The following CA10 variants were observed in gnomAD, a reference collection of about 807,000 sequenced individuals.
The protein encoded by CA10 is carbonic anhydrase 10 (inactive).
CA10 carries 14 observed loss-of-function variants against 44.2 expected under a neutral mutation model. The ratio of observed to expected loss-of-function variants is 0.32; its 90% confidence interval spans 0.21 to 0.50. The LOEUF is 0.50. Ranked by LOEUF, CA10 falls within the 20% of genes least tolerant of loss-of-function variation. The pLI is 0.99. For synonymous variants in CA10, 159 were observed against 141.6 expected, an observed-to-expected ratio of 1.12 and a Z score of -0.87; for missense variants, 350 against 409.7, an observed-to-expected ratio of 0.85 and a Z score of 1.26.
intron 2 of CA10, among the ~76,000 whole-genome samples, chr17:51,938,731 G>A (rs1279074127): frequency 6.6e-6 from 1 of 152,086 alleles, no homozygotes; most frequent in African/African-American, 2.4e-5. Flanking sequence ...AAAGAGAAAG[G>A]AGGAAGAGGG....
chr17:51,962,512 T>C (rs1983929576), intron 2 of CA10, among the ~76,000 whole-genome samples: 1 of 152,186 alleles, frequency 6.6e-6, no homozygotes, highest in Non-Finnish European at 1.5e-5. Flanking sequence ...GAGCTTCTAC[T>C]GGTAAACAAG....
intron 4 of CA10, among the ~76,000 whole-genome samples, chr17:51,659,555 G>C (rs1156566680): frequency 1.3e-5 from 2 of 152,204 alleles, no homozygotes; most frequent in Non-Finnish European, 2.9e-5. Context: ...TGGGTACCGG[G>C]TGATCAGAAC....
chr17:51,631,624 G>GA lies in CA10; in HGVS notation c.965-19dup, dbSNP rs376661919. On this transcript the variant is annotated intron_variant, in intron 8 of 8. Transcript: ENST00000451037. ...TTCATTTACTGCAAAGAGAGAGAAA[G>GA]AAAAAAAAAATCACACATACAACAT... 9.0e-3 allele frequency: 13,447 copies of GA among 1,495,072 alleles called. 34 individuals carry two copies. Among genetic ancestry groups the GA allele is most frequent in the African/African-American group, 0.011 (738 of 69,700 alleles). 92.6% of individuals were successfully genotyped at this position (1,495,072 alleles called of 1,614,324 possible).
chr17:51,972,639 T>G (rs1984323111), intron 2 of CA10, among the ~76,000 whole-genome samples: 1 of 152,148 alleles, frequency 6.6e-6, no homozygotes, highest in South Asian at 2.1e-4. Context: ...AAGAGGCCCT[T>G]GTTTGAAAAT....
intron 3 of CA10, among the ~76,000 whole-genome samples, chr17:51,748,779 C>T (rs1301481853): frequency 1.3e-5 from 2 of 152,194 alleles, no homozygotes. Flanking sequence ...CTTCCTGTAC[C>T]TTCTGACACC....
chr17:52,138,848 T>G (rs1477710492), intron 1 of CA10, among the ~76,000 whole-genome samples: 1 of 152,204 alleles, frequency 6.6e-6, no homozygotes, highest in Non-Finnish European at 1.5e-5. Context: ...AAATTTTTTC[T>G]GCTTATAGTA....
intron 2 of CA10, among the ~76,000 whole-genome samples, chr17:51,983,360 T>C (rs1476064163): frequency 2.0e-5 from 3 of 151,870 alleles, no homozygotes; most frequent in Non-Finnish European, 4.4e-5. Context: ...ACACAATCTC[T>C]CTCACATAAG....
chr17:51,713,231 T>A (rs998238655), intron 4 of CA10, among the ~76,000 whole-genome samples: 2 of 152,208 alleles, frequency 1.3e-5, no homozygotes, highest in African/African-American at 4.8e-5. Context: ...AGCATCATTC[T>A]TATCATTGAT....
intron 4 of CA10, among the ~76,000 whole-genome samples, chr17:51,695,045 T>A (rs1462537256): frequency 1.3e-5 from 2 of 152,222 alleles, no homozygotes; most frequent in African/African-American, 4.8e-5. Context: ...ACCATACTGT[T>A]TTGGTTACTG....
chr17:51,948,465 C>T (rs375008221), intron 2 of CA10, among the ~76,000 whole-genome samples: 14 of 152,294 alleles, frequency 9.2e-5, no homozygotes, highest in Non-Finnish European at 1.6e-4. Flanking sequence ...CCAGCTGCAA[C>T]GCTCCCCAGA....
chr17:51,632,493 C>T (rs955776817), intron 8 of CA10, among the ~76,000 whole-genome samples: 9 of 152,174 alleles, frequency 5.9e-5, no homozygotes, highest in African/African-American at 2.2e-4. Flanking sequence ...GTGGTGGAGG[C>T]TGCTTCTAAA....
rs1989845296 is a variant in CA10, at chr17:52,157,962, T to C, written c.-176A>G. 2 of 649,138 alleles carry C rather than the reference T, an allele frequency of 3.1e-6. No homozygotes were observed. The highest frequency in any genetic ancestry group is 5.3e-5 in the East Asian group (2 of 37,470). The allele number at this position is 649,138 out of a possible 1,614,324, so 40.2% of individuals were successfully genotyped here. On this transcript the variant is annotated 5_prime_UTR_variant, in exon 1 of 9. Coordinates refer to ENST00000451037, the MANE Select transcript of CA10 (RefSeq NM_020178.5). Reference sequence around the variant, plus strand: ...CCCAAGATCAATATCGCAGTTTGAATTGTTCCGGCAAATCTCCCCTCGGGC... The same window carrying C: ...CCCAAGATCAATATCGCAGTTTGAACTGTTCCGGCAAATCTCCCCTCGGGC...
At position 51,820,846 on chromosome 17, in the gene CA10, T is replaced by A. The variant is rs116329026; in HGVS notation, c.280-73028A>T. 3.7e-3 allele frequency among the ~76,000 whole-genome samples: 562 copies of A among 152,206 alleles called. 9 individuals carry two copies. Among genetic ancestry groups the A allele is most frequent in the African/African-American group, 0.013 (521 of 41,450 alleles). ...CTAACTTGTACATCAGTTATTATTC[T>A]TACCACAAACTGGATGCAGAAGTGT... On this transcript the variant is annotated intron_variant, in intron 3 of 8. Coordinates refer to ENST00000451037, the MANE Select transcript of CA10 (RefSeq NM_020178.5).
intron 2 of CA10, among the ~76,000 whole-genome samples, chr17:51,944,192 T>C (rs762774198): frequency 2.6e-5 from 4 of 152,186 alleles, no homozygotes; most frequent in Non-Finnish European, 5.9e-5. Flanking sequence ...ACGGTCATAA[T>C]GGCTTATTCA....
intron 3 of CA10, chr17:51,762,367 G>A (rs892513287): frequency 6.6e-6 from 1 of 152,196 alleles, no homozygotes; most frequent in African/African-American, 2.4e-5. Flanking sequence ...TGTGTCCAGG[G>A]GTACAACAGG....
At chr17:52,085,289 T>C (rs995513885) in intron 1 of CA10, among the ~76,000 whole-genome samples, 3 of 152,220 alleles carry the variant, frequency 2.0e-5, no homozygotes, top group Non-Finnish European at 4.4e-5. Flanking sequence ...AGTGGCCTAA[T>C]AACTGGACTC....
chr17:52,133,982 T>C (rs1989297077), intron 1 of CA10, among the ~76,000 whole-genome samples: 1 of 152,206 alleles, frequency 6.6e-6, no homozygotes, highest in Admixed American at 6.5e-5. Context: ...TCTTAGCATA[T>C]CATGCTGGTG....
intron 2 of CA10, among the ~76,000 whole-genome samples, chr17:51,935,314 C>T (rs1290977238): frequency 6.6e-6 from 1 of 152,028 alleles, no homozygotes; most frequent in East Asian, 1.9e-4. Flanking sequence ...TTAAAGCATC[C>T]ATTATTATGG....
At chr17:51,848,794 C>T (rs575498932) in intron 3 of CA10, among the ~76,000 whole-genome samples, 1 of 152,272 alleles carries the variant, frequency 6.6e-6, no homozygotes, top group East Asian at 1.9e-4. Context: ...TGCCTGCAAT[C>T]CCAGTACTTT....
Sources: allele counts gnomAD v4.1 joint callset (sites outside exome capture counted in the v4.1 genomes callset), GRCh38; gene constraint gnomAD v4.1.1; transcripts MANE v1.5; gene names NCBI Gene and HGNC (gene_info 2026-07-23, HGNC 2026-07-21).